The following FAF1 variants were observed in gnomAD, a reference collection of about 807,000 sequenced individuals.
FAF1 encodes the protein Fas associated factor 1, also known as FAS-associated factor 1.
In FAF1, 25 loss-of-function variants were observed where a neutral mutation model predicts 92.5. The observed-to-expected ratio is 0.27, with a 90% CI of 0.20 to 0.38. The LOEUF is 0.38. FAF1 is among the 10% of genes least tolerant of loss of function. FAF1 has a pLI of 1.00. For missense variants in FAF1, 636 were observed against 793.3 expected (o/e 0.80, Z 2.38); for synonymous variants, 234 against 273.2 (o/e 0.86, Z 1.42).
At chr1:50,734,668 A>T (rs1164876632) in intron 6 of FAF1, among the ~76,000 whole-genome samples, 3 of 151,112 alleles carry the variant, frequency 2.0e-5, no homozygotes, top group African/African-American at 7.3e-5. Context: ...CAGGGGGCGG[A>T]GCTTGCATTG....
intron 8 of FAF1, among the ~76,000 whole-genome samples, chr1:50,630,389 TATC>T (rs1379015160): frequency 6.6e-6 from 1 of 152,172 alleles, no homozygotes; most frequent in African/African-American, 2.4e-5. Context: ...AATAGATAAA[TATC>T]ATAGGTAAGA....
intron 7 of FAF1, among the ~76,000 whole-genome samples, chr1:50,686,280 T>C (rs1458625520): frequency 6.6e-6 from 1 of 152,066 alleles, no homozygotes; most frequent in Non-Finnish European, 1.5e-5. Flanking sequence ...CGGTGGCTCA[T>C]ACCTGTAATC....
At chr1:50,533,472 C>A (rs547793505) in intron 15 of FAF1, among the ~76,000 whole-genome samples, 1 of 152,196 alleles carries the variant, frequency 6.6e-6, no homozygotes, top group South Asian at 2.1e-4. Flanking sequence ...CAAACATTTA[C>A]TAAGTGCTGA....
chr1:50,446,102 T>G (rs1265882505), intron 18 of FAF1, among the ~76,000 whole-genome samples: 2 of 152,052 alleles, frequency 1.3e-5, no homozygotes, highest in African/African-American at 4.8e-5. Context: ...TTTGGGGTTG[T>G]GGGGGGGAAG....
chr1:50,959,519 T>C (rs1645298076), intron 1 of FAF1, among the ~76,000 whole-genome samples: 1 of 152,052 alleles, frequency 6.6e-6, no homozygotes. Context: ...TCCACACACA[T>C]TGTAACCCAA....
chr1:50,511,803 C>T (rs546607815), intron 15 of FAF1, among the ~76,000 whole-genome samples: 2 of 152,252 alleles, frequency 1.3e-5, no homozygotes, highest in South Asian at 4.2e-4. Context: ...GGTTCTAGAT[C>T]CTTGAGGAAT....
At chr1:50,910,186 A>G (rs1644873337) in intron 1 of FAF1, among the ~76,000 whole-genome samples, 1 of 152,206 alleles carries the variant, frequency 6.6e-6, no homozygotes, top group Non-Finnish European at 1.5e-5. Flanking sequence ...CAGCAGAGGC[A>G]GCAGAAAAGC....
chr1:50,597,603 T>C (rs1189253348), intron 8 of FAF1, among the ~76,000 whole-genome samples: 1 of 152,106 alleles, frequency 6.6e-6, no homozygotes, highest in East Asian at 1.9e-4. Flanking sequence ...ACACAAAAAG[T>C]TTATGCATTT....
chr1:50,516,791 T>C (rs1647235251), intron 15 of FAF1, among the ~76,000 whole-genome samples: 1 of 152,232 alleles, frequency 6.6e-6, no homozygotes, highest in Non-Finnish European at 1.5e-5. Flanking sequence ...TATCTTTGGA[T>C]TAAAAAGCTG....
intron 13 of FAF1, among the ~76,000 whole-genome samples, chr1:50,551,233 C>CAT (rs1649297075): frequency 1.3e-5 from 2 of 152,002 alleles, no homozygotes; most frequent in African/African-American, 4.8e-5. Context: ...AAAACCCAGA[C>CAT]ATATATACAG....
chr1:50,800,264 T>G (rs1232438673), intron 3 of FAF1, among the ~76,000 whole-genome samples: 1 of 152,176 alleles, frequency 6.6e-6, no homozygotes, highest in Non-Finnish European at 1.5e-5. Context: ...GGATGATATA[T>G]CCAATATGTA....
intron 1 of FAF1, among the ~76,000 whole-genome samples, chr1:50,947,811 T>A (rs942336982): frequency 6.6e-6 from 1 of 152,220 alleles, no homozygotes; most frequent in African/African-American, 2.4e-5. Flanking sequence ...CAATGACAGA[T>A]TTTATTATTC....
rs1205488736 is a variant in FAF1, at chr1:50,771,528, C to A, written c.367+16472G>T. Reference sequence around the variant, plus strand: ...AAAGCATACACAAAATGCTTAGTATCACTAATTATCAGAGAAATGCAAGTC... The same window carrying A: ...AAAGCATACACAAAATGCTTAGTATAACTAATTATCAGAGAAATGCAAGTC... On this transcript the variant is annotated intron_variant, in intron 4 of 18. Coordinates refer to ENST00000396153, the MANE Select transcript of FAF1 (RefSeq NM_007051.3). Among the ~76,000 whole-genome samples, 3 of 152,292 alleles carry A rather than the reference C, an allele frequency of 2.0e-5. No individual in the cohort carries two copies. The East Asian group carries it at 5.8e-4, about 29-fold the overall frequency.
chr1:50,657,916 TAGC>T (rs2124302203), intron 7 of FAF1, among the ~76,000 whole-genome samples: 1 of 152,312 alleles, frequency 6.6e-6, no homozygotes, highest in African/African-American at 2.4e-5. Context: ...TAGAGGTTCT[TAGC>T]AAATGGCTAG....
chr1:50,742,153 T>TAA (rs61200472), intron 5 of FAF1, among the ~76,000 whole-genome samples: 9,713 of 141,878 alleles, frequency 0.068, 383 homozygotes, highest in East Asian at 0.095. Flanking sequence ...TACAAAAATT[T>TAA]AAAAAAAAAA....
intron 2 of FAF1, among the ~76,000 whole-genome samples, chr1:50,825,029 T>C (rs1644082913): frequency 6.6e-6 from 1 of 152,080 alleles, no homozygotes; most frequent in Admixed American, 6.5e-5. Flanking sequence ...TAATTTCTAG[T>C]ATTCAATAAC....
chr1:50,959,917 G>T lies in FAF1; in HGVS notation c.-106C>A. The T allele has an allele frequency of 2.9e-6, 2 of 690,594 alleles. No homozygotes were observed. The highest frequency in any genetic ancestry group is 3.8e-6 in the Non-Finnish European group (2 of 522,674). 42.8% of individuals were successfully genotyped at this position (690,594 alleles called of 1,614,324 possible). A position where few individuals can be genotyped will look rare whatever the true frequency, so the allele number is the denominator to read the frequency against. On this transcript the variant is annotated 5_prime_UTR_variant, in exon 1 of 19. Transcript: ENST00000396153. ...ACCGCCGCCGCCGCCGCCGGGCGCC[G>T]AGGGGCTGGCGGGCGAGCCGGCGGG...
At chr1:50,660,575 C>A (rs925090270) in intron 7 of FAF1, among the ~76,000 whole-genome samples, 3 of 151,776 alleles carry the variant, frequency 2.0e-5, no homozygotes, top group Non-Finnish European at 4.4e-5. Flanking sequence ...CTTACTGCAA[C>A]CTCCACCTCC....
At chr1:50,959,205 T>C (rs1645295694) in intron 1 of FAF1, among the ~76,000 whole-genome samples, 1 of 152,194 alleles carries the variant, frequency 6.6e-6, no homozygotes, top group African/African-American at 2.4e-5. Context: ...GTCTTATCTG[T>C]CTCCTTGTTA....
Sources: allele counts gnomAD v4.1 joint callset (sites outside exome capture counted in the v4.1 genomes callset), GRCh38; gene constraint gnomAD v4.1.1; transcripts MANE v1.5; gene names NCBI Gene and HGNC (gene_info 2026-07-23, HGNC 2026-07-21).